ZNF777: variants seen among roughly 807,000 people sequenced by gnomAD.
ZNF777 encodes the protein zinc finger protein 777.
Under a neutral mutation model 72.1 loss-of-function variants are expected in ZNF777, and 7 were observed. That is an observed-to-expected ratio of 0.10 (90% CI 0.06 to 0.18). The LOEUF (loss-of-function observed/expected upper bound fraction) is 0.18, where lower values mean the gene tolerates loss of function less well. Ranked by LOEUF, ZNF777 falls within the 10% of genes least tolerant of loss-of-function variation. The pLI is 1.00. For synonymous variants in ZNF777, 545 were observed against 483.5 expected, an observed-to-expected ratio of 1.13 and a Z score of -1.67; for missense variants, 828 against 1,128.6, an observed-to-expected ratio of 0.73 and a Z score of 3.82.
intron 3 of ZNF777, among the ~76,000 whole-genome samples, chr7:149,451,347 C>T (rs1799713648): frequency 6.6e-6 from 1 of 151,900 alleles, no homozygotes. Flanking sequence ...TCAAAACCTG[C>T]CCAGGTTTTC....
intron 4 of ZNF777, among the ~76,000 whole-genome samples, chr7:149,448,537 A>ATAAAAC (rs1799651780): frequency 7.2e-6 from 1 of 139,066 alleles, no homozygotes; most frequent in African/African-American, 2.8e-5. Flanking sequence ...ACATATAGTT[A>ATAAAAC]TATATATAGT....
rs1442067849 is a variant in ZNF777, at chr7:149,455,955, G to T, written c.68C>A (p.Ala23Asp). The T allele has an allele frequency of 6.2e-7, 1 of 1,613,084 alleles. No individual in the cohort carries two copies. Among genetic ancestry groups the T allele is most frequent in the African/African-American group, 1.3e-5 (1 of 74,944 alleles). Reference protein sequence around the residue: ...SVPQEETLRQAPAGLPRETLF... With the variant: ...SVPQEETLRQDPAGLPRETLF... ...AGTTTCTCGGGGGAGTCCAGCAGGG[G>T]CCTGACGTAAGGTTTCTTCTTGTGG... Residue 23 changes from alanine (A) to aspartate (D), a missense_variant, in exon 2 of 6, where the codon GCC (alanine) becomes GAC (aspartate). Around this residue, in one of 12 missense-constraint regions of ZNF777, gnomAD observed 222 missense variants for 211.2 expected, o/e 1.05. Transcript: ENST00000247930. This position sits in a 1 kb window ranked among gnomAD's most constrained non-coding sequence, Gnocchi z 4.2.
chr7:149,450,941 C>T, intron 4 of ZNF777, 58 bp downstream of exon 4: 3 of 1,492,600 alleles, frequency 2.0e-6, no homozygotes, highest in Non-Finnish European at 2.8e-6. Context: ...CATGCTGGCG[C>T]TTCCTGAGTA....
intron 5 of ZNF777, among the ~76,000 whole-genome samples, chr7:149,434,059 G>GTATCT (rs1799371726): frequency 6.6e-6 from 1 of 151,890 alleles, no homozygotes; most frequent in Admixed American, 6.6e-5. Flanking sequence ...CATGAGCACA[G>GTATCT]TATCTTATTA....
intron 1 of ZNF777, chr7:149,459,674 C>T (rs1286491868): frequency 1.0e-6 from 1 of 985,218 alleles, no homozygotes; most frequent in Non-Finnish European, 1.2e-6. Context: ...GACCTTGGGG[C>T]CGGCAGGGCG....
At position 149,460,506 on chromosome 7, in the gene ZNF777, C is replaced by G. The variant is rs1271509655; in HGVS notation, c.-16+309G>C. Among the ~76,000 whole-genome samples, 3 of 150,566 alleles carry G rather than the reference C, an allele frequency of 2.0e-5. No homozygotes were observed. Among genetic ancestry groups the G allele is most frequent in the Non-Finnish European group, 1.5e-5 (1 of 67,558 alleles). The stretch of plus-strand genomic sequence containing the variant: ...GCGGCTGGGACCCCAGCTCCGGCCC[C>G]GGCCCCGGCTGCGAGCTGCGCTGCC... On this transcript the variant is annotated intron_variant, in intron 1 of 5. Transcript: ENST00000247930. This position sits in a 1 kb window ranked among gnomAD's most constrained non-coding sequence, Gnocchi z 6.1.
At chr7:149,433,030 T>C (rs1799349776) in intron 5 of ZNF777, 98 bp from the exon 6 acceptor site, 16 of 1,407,696 alleles carry the variant, frequency 1.1e-5, no homozygotes, top group African/African-American at 1.4e-5. Context: ...CACCAAAACA[T>C]TGCATTATTG....
At chr7:149,446,184 C>T (rs1799599480) in intron 4 of ZNF777, among the ~76,000 whole-genome samples, 1 of 152,072 alleles carries the variant, frequency 6.6e-6, no homozygotes, top group Non-Finnish European at 1.5e-5. Flanking sequence ...TCAAGACCAG[C>T]CTGACCAACA....
rs775706382 is a variant in ZNF777 at position 149,436,835 on chromosome 7, G to C, written c.1088-9C>G. 1.6e-5 allele frequency: 26 copies of C among 1,600,250 alleles called. No individual in the cohort carries two copies. The highest frequency in any genetic ancestry group is 1.7e-6 in the Non-Finnish European group (2 of 1,168,570). ...CACGATCCCATCGTGCGCTGAGAGA[G>C]GGTGGGCAGGGGTGAGGAGGAGAAA... On this transcript the variant is annotated splice_polypyrimidine_tract_variant and intron_variant, in intron 4 of 5. Transcript: ENST00000247930. The surrounding 1 kb of genome is among the most constrained non-coding windows in gnomAD (Gnocchi z 5.0).
intron 4 of ZNF777, among the ~76,000 whole-genome samples, chr7:149,444,664 A>G (rs1799574709): frequency 6.6e-6 from 1 of 152,262 alleles, no homozygotes; most frequent in Admixed American, 6.5e-5. Context: ...ACATTGAATT[A>G]TAAGTTGGAA....
chr7:149,459,474 G>A (rs888137535), intron 1 of ZNF777, among the ~76,000 whole-genome samples: 2 of 152,152 alleles, frequency 1.3e-5, no homozygotes, highest in African/African-American at 2.4e-5. Flanking sequence ...CTCCCACCGC[G>A]GAGATGCCCA....
Position 149,432,613 on chromosome 7 carries a change from C to T in ZNF777, c.1659G>A (p.Lys553=), listed in dbSNP as rs199560285. ...ERPFTCMECG[K]SFRLKINLII... ...TGAGGTTGATCTTCAGGCGGAAGCT[C>T]TTGCCGCACTCCATGCATGTGAAGG... is the stretch of plus-strand genomic sequence containing the variant. Residue 553 remains lysine (K), a synonymous_variant, in exon 6 of 6, where the codon AAG becomes AAA. Coordinates refer to ENST00000247930, the MANE Select transcript of ZNF777 (RefSeq NM_015694.3). The T allele has an allele frequency of 2.7e-5, 43 of 1,613,874 alleles. No individual in the cohort carries two copies. The highest frequency in any genetic ancestry group is 5.0e-5 in the Admixed American group (3 of 60,000).
At chr7:149,437,951 T>C (rs1391025570) in intron 4 of ZNF777, among the ~76,000 whole-genome samples, 1 of 151,218 alleles carries the variant, frequency 6.6e-6, no homozygotes, top group Non-Finnish European at 1.5e-5. Context: ...GTGGTCTCGG[T>C]TCACTGCAAG....
intron 1 of ZNF777, chr7:149,459,819 G>A (rs1799910837): frequency 1.0e-6 from 1 of 984,740 alleles, no homozygotes; most frequent in Admixed American, 6.2e-5. Flanking sequence ...TACCCCGACG[G>A]ACGCAGCGCG....
chr7:149,448,585 A>AGTTATACATATAAC (rs1563237837), intron 4 of ZNF777, among the ~76,000 whole-genome samples: 297 of 24,102 alleles, frequency 0.012, 2 homozygotes, highest in Non-Finnish European at 0.017. Flanking sequence ...ATAACTATAT[A>AGTTATACATATAAC]TATATATATA....
Position 149,452,280 on chromosome 7 carries a change from AAC to A in ZNF777, c.974-1170_974-1169del, listed in dbSNP as rs796887743. ...ACTCCGTCTCAAAAACAAACAAACA[AAC>A]AAACAAACAAAAAAAGATGCACAAG... On this transcript the variant is annotated intron_variant, in intron 3 of 5. Coordinates refer to ENST00000247930, the MANE Select transcript of ZNF777 (RefSeq NM_015694.3). Among the ~76,000 whole-genome samples, 10 of 67,718 alleles carry A rather than the reference AAC, an allele frequency of 1.5e-4. 1 individual carries two copies. Among genetic ancestry groups the A allele is most frequent in the African/African-American group, 4.8e-4 (6 of 12,534 alleles). 44.4% of individuals were successfully genotyped at this position (67,718 alleles called of 152,430 possible).
chr7:149,446,641 T>C (rs1386185061), intron 4 of ZNF777, among the ~76,000 whole-genome samples: 1 of 152,124 alleles, frequency 6.6e-6, no homozygotes, highest in African/African-American at 2.4e-5. Flanking sequence ...AATCCTCCTA[T>C]CAACTGGATC....
chr7:149,458,801 G>C (rs1327428819), intron 1 of ZNF777, among the ~76,000 whole-genome samples: 3 of 152,214 alleles, frequency 2.0e-5, no homozygotes, highest in African/African-American at 7.2e-5. Context: ...TGACCAAAGA[G>C]AGGGAGGGAG....
At chr7:149,440,070 A>G (rs1288998792) in intron 4 of ZNF777, among the ~76,000 whole-genome samples, 1 of 152,206 alleles carries the variant, frequency 6.6e-6, no homozygotes, top group Non-Finnish European at 1.5e-5. Flanking sequence ...CTGTCACTCA[A>G]TTCTGAACTT....
Sources: gnomAD v4.1 joint callset for allele counts (sites outside exome capture counted in the v4.1 genomes callset) on GRCh38, gnomAD v4.1.1 for gene constraint, gnomAD v4.1.1 regional missense constraint, Gnocchi (gnomAD v3.1) non-coding constraint, MANE v1.5 for transcripts, NCBI Gene and HGNC (gene_info 2026-07-23, HGNC 2026-07-21) for gene names.